The following TENT4B variants were observed in gnomAD, a reference collection of about 807,000 sequenced individuals.
TENT4B encodes the protein terminal nucleotidyltransferase 4B, also known as PAP associated domain containing 5.
A neutral mutation model predicts 75.0 loss-of-function variants in TENT4B; 10 were observed. That is an observed-to-expected ratio of 0.13 (90% CI 0.08 to 0.23). The LOEUF (loss-of-function observed/expected upper bound fraction) is 0.23, where lower values mean the gene tolerates loss of function less well. TENT4B is among the 10% of genes least tolerant of loss of function. The pLI is 1.00. For synonymous variants in TENT4B, 350 were observed against 357.7 expected (o/e 0.98, Z 0.24); for missense variants, 579 against 893.8 (o/e 0.65, Z 4.49).
At chr16:50,186,160 T>A (rs1032998134) in intron 1 of TENT4B, among the ~76,000 whole-genome samples, 1 of 152,116 alleles carries the variant, frequency 6.6e-6, no homozygotes, top group African/African-American at 2.4e-5. Context: ...GCCAGAACTT[T>A]TCATCATCCT....
At chr16:50,206,140 C>T (rs2030951971) in intron 1 of TENT4B, among the ~76,000 whole-genome samples, 1 of 152,020 alleles carries the variant, frequency 6.6e-6, no homozygotes, top group Admixed American at 6.6e-5. Flanking sequence ...CATCCTTATA[C>T]AGATATCCTT....
At chr16:50,218,398 A>G (rs1188145569) in intron 5 of TENT4B, among the ~76,000 whole-genome samples, 2 of 151,350 alleles carry the variant, frequency 1.3e-5, no homozygotes, top group Non-Finnish European at 2.9e-5. Context: ...GTGCAGTGGC[A>G]CGATCTTGGT....
intron 1 of TENT4B, among the ~76,000 whole-genome samples, chr16:50,203,665 C>CA (rs2030786746): frequency 6.6e-6 from 1 of 152,134 alleles, no homozygotes; most frequent in South Asian, 2.1e-4. Flanking sequence ...AGTTCTCAGC[C>CA]ACACTGTGTG....
In TENT4B at chr16:50,194,260, G is replaced by T. The variant is rs143390462; in HGVS notation, c.639-17063G>T. On this transcript the variant is annotated intron_variant, in intron 1 of 11. Transcript: ENST00000561678. Reference sequence around the variant, plus strand: ...AGACGGAGTCTTGCTCTGTCGCCCAGGCTGGAGTGCAATGGTGCAATCTCA... The same window carrying T: ...AGACGGAGTCTTGCTCTGTCGCCCATGCTGGAGTGCAATGGTGCAATCTCA... Among the ~76,000 whole-genome samples the T allele has an allele frequency of 4.0e-3, 562 of 141,312 alleles. 3 individuals are homozygous for T. The highest frequency in any genetic ancestry group is 0.014 in the African/African-American group (524 of 38,582). 92.7% of individuals were successfully genotyped at this position (141,312 alleles called of 152,430 possible).
intron 6 of TENT4B, 79 bp downstream of exon 6, chr16:50,222,513 A>G: frequency 2.0e-6 from 3 of 1,500,062 alleles, no homozygotes; most frequent in Non-Finnish European, 2.7e-6. Context: ...TTTGGAAAAA[A>G]TCGAAATCAA....
At chr16:50,194,722 C>T (rs142748846) in intron 1 of TENT4B, among the ~76,000 whole-genome samples, 79 of 148,090 alleles carry the variant, frequency 5.3e-4, no homozygotes, top group Non-Finnish European at 1.0e-4. Flanking sequence ...GAACTACAGG[C>T]GCTAGCCACC....
intron 1 of TENT4B, among the ~76,000 whole-genome samples, chr16:50,210,836 C>G (rs2031240665): frequency 6.6e-6 from 1 of 152,176 alleles, no homozygotes; most frequent in Admixed American, 6.5e-5. Context: ...CTTCATGGAG[C>G]CTTTGCCAGC....
intron 1 of TENT4B, among the ~76,000 whole-genome samples, chr16:50,181,183 G>T (rs2038407927): frequency 6.6e-6 from 1 of 152,180 alleles, no homozygotes; most frequent in Non-Finnish European, 1.5e-5. Flanking sequence ...GTTTTTAACT[G>T]GATTTGTTTT....
In TENT4B at chr16:50,232,980, T is replaced by C. The variant is rs78994066; in HGVS notation, c.*3652T>C. The C allele has an allele frequency of 4.4e-4, 430 of 984,452 alleles. 4 individuals are homozygous for C. The East Asian group carries it at 0.031, about 71-fold the overall frequency. The allele number at this position is 984,452 out of a possible 1,614,324, so 61.0% of individuals were successfully genotyped here. The stretch of plus-strand genomic sequence containing the variant: ...ATAAATATTGAAATGTTAAAATTAA[T>C]GAACAGAAGAATTTATTCTTACCCA... On this transcript the variant is annotated 3_prime_UTR_variant, in exon 12 of 12. Coordinates refer to ENST00000561678, the MANE Select transcript of TENT4B (RefSeq NM_001365324.3).
intron 1 of TENT4B, among the ~76,000 whole-genome samples, chr16:50,208,889 C>T (rs2098676490): frequency 6.6e-6 from 1 of 152,160 alleles, no homozygotes; most frequent in Admixed American, 6.5e-5. Context: ...TGCGCCACCA[C>T]ACCCAGCTAA....
chr16:50,211,550 G>C, intron 2 of TENT4B, 104 bp downstream of exon 2: 1 of 1,299,176 alleles, frequency 7.7e-7, no homozygotes, highest in Non-Finnish European at 1.0e-6. Context: ...AAGTAGAAGT[G>C]CTCTGTAGAG....
At chr16:50,192,659 A>C (rs1347601301) in intron 1 of TENT4B, among the ~76,000 whole-genome samples, 8 of 152,218 alleles carry the variant, frequency 5.3e-5, no homozygotes, top group Admixed American at 1.3e-4. Context: ...TACAACTGAG[A>C]AAGCCATTGA....
At chr16:50,158,005 T>A (rs1164155259) in intron 1 of TENT4B, among the ~76,000 whole-genome samples, 1 of 151,792 alleles carries the variant, frequency 6.6e-6, no homozygotes, top group Non-Finnish European at 1.5e-5. Flanking sequence ...GTCCAAGTGA[T>A]CCTCCCGCCT....
At chr16:50,212,721 C>T (rs2150735513) in intron 2 of TENT4B, among the ~76,000 whole-genome samples, 1 of 152,204 alleles carries the variant, frequency 6.6e-6, no homozygotes, top group Admixed American at 6.5e-5. Context: ...ATTTTGTTCT[C>T]CAGGGGGCAT....
intron 1 of TENT4B, among the ~76,000 whole-genome samples, chr16:50,197,536 G>T (rs1265250585): frequency 6.6e-6 from 1 of 152,164 alleles, no homozygotes; most frequent in Admixed American, 6.5e-5. Context: ...CAATCTGCCT[G>T]CCTGGGCCTC....
chr16:50,216,823 T>TA (rs11440219), intron 4 of TENT4B, among the ~76,000 whole-genome samples: 51,457 of 151,988 alleles, frequency 0.34, 10,820 homozygotes, highest in African/African-American at 0.6. Context: ...CCTGCTTATT[T>TA]AAAAAATTTT....
intron 1 of TENT4B, among the ~76,000 whole-genome samples, chr16:50,185,656 G>C (rs780034045): frequency 1.7e-4 from 26 of 152,154 alleles, no homozygotes; most frequent in Non-Finnish European, 2.6e-4. Flanking sequence ...GCAGAGTAAC[G>C]TATCGAAGCT....
chr16:50,222,308 A>G lies in TENT4B; in HGVS notation c.1041A>G (p.Lys347=). 3 of 1,587,968 alleles carry G rather than the reference A, an allele frequency of 1.9e-6. No individual in the cohort carries two copies. The highest frequency in any genetic ancestry group is 2.6e-6 in the Non-Finnish European group (3 of 1,165,496). The part of the protein sequence containing the change: ...AADLIKDFTK[K]YPVLPYLVLV... ...GAAAATACAATTTTCTTTTTCAGAA[A>G]TATCCTGTATTGCCATACTTGGTTT... The change falls in exon 6 of 12, where the codon AAA becomes AAG. Residue 347 remains lysine, a splice_region_variant and synonymous_variant. Coordinates refer to ENST00000561678, the MANE Select transcript of TENT4B (RefSeq NM_001365324.3).
chr16:50,213,826 G>A (rs989053543), intron 2 of TENT4B, among the ~76,000 whole-genome samples: 1 of 152,060 alleles, frequency 6.6e-6, no homozygotes, highest in South Asian at 2.1e-4. Context: ...TGGTATTATA[G>A]GTATTATAAG....
Sources: allele counts gnomAD v4.1 joint callset (sites outside exome capture counted in the v4.1 genomes callset), GRCh38; gene constraint gnomAD v4.1.1; transcripts MANE v1.5; gene names NCBI Gene and HGNC (gene_info 2026-07-23, HGNC 2026-07-21).